Variants in SUGCT observed in about 807,000 individuals in gnomAD.
SUGCT encodes succinyl-CoA:glutarate-CoA transferase, also known as succinyl-CoA:glutarate CoA-transferase.
SUGCT carries 41 observed loss-of-function variants against 55.0 expected under a neutral mutation model. That is an observed-to-expected ratio of 0.74 (90% CI 0.58 to 0.97). SUGCT has a LOEUF of 0.97. Ranked by LOEUF, SUGCT falls within the 50% of genes least tolerant of loss-of-function variation. The pLI, the probability that SUGCT is intolerant of heterozygous loss-of-function variation, is 0.00. For synonymous variants in SUGCT, 187 were observed against 200.4 expected (o/e 0.93, Z 0.56); for missense variants, 568 against 547.8 (o/e 1.04, Z -0.37).
the SUGCT span, among the ~76,000 whole-genome samples, chr7:40,977,231 G>A: frequency 6.6e-6 from 1 of 152,166 alleles, no homozygotes; most frequent in Non-Finnish European, 1.5e-5. Context: ...GAGAGAAAAG[G>A]GAACAGGTTG....
chr7:40,549,509 C>T (rs536655192), intron 12 of SUGCT, among the ~76,000 whole-genome samples: 1 of 152,158 alleles, frequency 6.6e-6, no homozygotes, highest in East Asian at 1.9e-4. Flanking sequence ...AATTTATTAT[C>T]TAGTGTGAAC....
chr7:40,805,990 C>T (rs1459066133), intron 13 of SUGCT, among the ~76,000 whole-genome samples: 1 of 152,152 alleles, frequency 6.6e-6, no homozygotes, highest in Non-Finnish European at 1.5e-5. Context: ...CTTAGAAAGC[C>T]ACCTGGGGAA....
intron 12 of SUGCT, among the ~76,000 whole-genome samples, chr7:40,548,186 C>CTTTTTTTTTTTTTTTTTTTTTTTT (rs1186226631): frequency 3.0e-4 from 32 of 104,984 alleles, no homozygotes; most frequent in Non-Finnish European, 4.2e-4. Flanking sequence ...TTCTTTCTTT[C>CTTTTTTTTTTTTTTTTTTTTTTTT]TTTTTTTTTT....
intron 11 of SUGCT, among the ~76,000 whole-genome samples, chr7:40,493,763 A>AT (rs1287276353): frequency 8.6e-5 from 13 of 152,042 alleles, no homozygotes; most frequent in African/African-American, 1.2e-4. Flanking sequence ...AGCTTTTTAA[A>AT]TTTTTTTTAG....
chr7:40,548,026 T>A (rs1048711349), intron 12 of SUGCT, among the ~76,000 whole-genome samples: 3 of 152,108 alleles, frequency 2.0e-5, no homozygotes, highest in Non-Finnish European at 2.9e-5. Context: ...TTTTGTCTCC[T>A]TTTAGCCTTA....
intron 10 of SUGCT, 71 bp downstream of exon 10, chr7:40,449,429 C>G: frequency 8.5e-7 from 1 of 1,171,318 alleles, no homozygotes; most frequent in South Asian, 1.3e-5. Flanking sequence ...TTGCCCAGGT[C>G]ACAACCAACT....
At position 40,590,864 on chromosome 7, in the gene SUGCT, G is replaced by A. The variant is rs1356973648; in HGVS notation, c.1089+94478G>A. Among the ~76,000 whole-genome samples the A allele has an allele frequency of 2.0e-5, 3 of 152,076 alleles. No individual in the cohort carries two copies. The East Asian group carries it at 5.8e-4, about 29-fold the overall frequency. ...TTACACTGCGTCTGTTTACAGCATG[G>A]TTTACTGAATATTTTAAGACCACTG... On this transcript the variant is annotated intron_variant, in intron 12 of 13. Coordinates refer to ENST00000335693, the MANE Select transcript of SUGCT (RefSeq NM_001193313.2).
chr7:40,515,198 A>C (rs1207946840), intron 12 of SUGCT, among the ~76,000 whole-genome samples: 2 of 152,038 alleles, frequency 1.3e-5, no homozygotes, highest in Admixed American at 6.6e-5. Flanking sequence ...CCACACCCAC[A>C]CCCACCCTCA....
chr7:40,439,331 C>A (rs1019151817), intron 9 of SUGCT, among the ~76,000 whole-genome samples: 5 of 151,654 alleles, frequency 3.3e-5, no homozygotes, highest in African/African-American at 1.2e-4. Context: ...GGACTTCTGA[C>A]CCACTGAGAC....
the SUGCT span, among the ~76,000 whole-genome samples, chr7:40,971,360 G>A: frequency 2.6e-5 from 4 of 152,166 alleles, no homozygotes; most frequent in Non-Finnish European, 5.9e-5. Context: ...ATTTCCACAT[G>A]AGATTTGGAG....
intron 12 of SUGCT, among the ~76,000 whole-genome samples, chr7:40,520,217 G>A (rs1334435151): frequency 6.6e-6 from 1 of 152,054 alleles, no homozygotes. Flanking sequence ...AGGACACATG[G>A]TATCCTTACA....
At chr7:40,271,333 G>C (rs1263864259) in intron 7 of SUGCT, among the ~76,000 whole-genome samples, 1 of 151,986 alleles carries the variant, frequency 6.6e-6, no homozygotes, top group Non-Finnish European at 1.5e-5. Flanking sequence ...GTCTCACTAT[G>C]TTGTGCAGTC....
chr7:40,964,689 C>T, the SUGCT span: 2 of 152,188 alleles, frequency 1.3e-5, no homozygotes, highest in African/African-American at 4.8e-5. Context: ...AAGGTGAATA[C>T]TTAATTCTTT....
chr7:40,796,070 A>G (rs1397625436), intron 13 of SUGCT, among the ~76,000 whole-genome samples: 5 of 152,124 alleles, frequency 3.3e-5, no homozygotes, highest in African/African-American at 1.2e-4. Context: ...TTTGGATCCT[A>G]GACCTCAAAG....
At chr7:40,907,934 T>G in the SUGCT span, among the ~76,000 whole-genome samples, 1 of 152,072 alleles carries the variant, frequency 6.6e-6, no homozygotes, top group East Asian at 1.9e-4. Context: ...CATTAGTAAA[T>G]AAGGATCCAG....
At chr7:40,391,078 C>T (rs1785404563) in intron 9 of SUGCT, among the ~76,000 whole-genome samples, 2 of 152,178 alleles carry the variant, frequency 1.3e-5, no homozygotes, top group Admixed American at 6.5e-5. Flanking sequence ...ACTGGCTAGC[C>T]ATATGTAGAA....
the SUGCT span, among the ~76,000 whole-genome samples, chr7:41,038,760 T>C: frequency 6.6e-6 from 1 of 152,092 alleles, no homozygotes; most frequent in Admixed American, 6.6e-5. Context: ...GAGAGCACAT[T>C]GGGCTCCATC....
At chr7:40,747,763 A>G (rs1316832791) in intron 12 of SUGCT, among the ~76,000 whole-genome samples, 1 of 152,192 alleles carries the variant, frequency 6.6e-6, no homozygotes, top group African/African-American at 2.4e-5. Flanking sequence ...TTGGGACAGT[A>G]TACCCAGGTA....
chr7:40,373,926 A>G (rs552746631), intron 9 of SUGCT, among the ~76,000 whole-genome samples: 10 of 152,240 alleles, frequency 6.6e-5, no homozygotes, highest in East Asian at 5.8e-4. Context: ...TTTGTCCCCA[A>G]TTTACTTTGG....
Sources: gnomAD v4.1 joint callset for allele counts (sites outside exome capture counted in the v4.1 genomes callset) on GRCh38, gnomAD v4.1.1 for gene constraint, MANE v1.5 for transcripts, NCBI Gene and HGNC (gene_info 2026-07-23, HGNC 2026-07-21) for gene names.